The following SLC36A1 variants were observed in gnomAD, a reference collection of about 807,000 sequenced individuals.
The protein encoded by SLC36A1 is solute carrier family 36 member 1, also known as proton-coupled amino acid transporter 1.
Under a neutral mutation model 47.5 loss-of-function variants are expected in SLC36A1, and 30 were observed. The observed-to-expected ratio is 0.63, with a 90% CI of 0.47 to 0.86. The LOEUF (loss-of-function observed/expected upper bound fraction) is 0.86. SLC36A1 is among the 40% of genes least tolerant of loss of function. The pLI, the probability that SLC36A1 is intolerant of heterozygous loss-of-function variation, is 0.00. For synonymous variants in SLC36A1, 255 were observed against 249.7 expected, an observed-to-expected ratio of 1.02 and a Z score of -0.20; for missense variants, 517 against 606.0, an observed-to-expected ratio of 0.85 and a Z score of 1.54.
rs1755132589 is a variant in SLC36A1 at position 151,459,064 on chromosome 5, G to C, written c.143+129G>C. 3 of 1,005,050 alleles carry C rather than the reference G, an allele frequency of 3.0e-6. No individual in the cohort carries two copies. In the Middle Eastern group the frequency reaches 6.6e-4, roughly 221 times the overall value. 62.3% of individuals were successfully genotyped at this position (1,005,050 alleles called of 1,614,324 possible). Reference sequence around the variant, plus strand: ...TGAAGGTCAGCAGTGAAGAGATTGGGCGAGTGACTGCGCTGAGATTTGCCT... The same window carrying C: ...TGAAGGTCAGCAGTGAAGAGATTGGCCGAGTGACTGCGCTGAGATTTGCCT... On this transcript the variant is annotated intron_variant, in intron 2 of 10. Coordinates refer to ENST00000243389, the MANE Select transcript of SLC36A1 (RefSeq NM_078483.4).
chr5:151,481,164 G>T (rs1169536427), intron 10 of SLC36A1, among the ~76,000 whole-genome samples: 2 of 152,288 alleles, frequency 1.3e-5, no homozygotes, highest in African/African-American at 4.8e-5. Flanking sequence ...ACTTTTCCTG[G>T]CCCTGTCTGT....
chr5:151,484,971 G>T (rs1190620735), intron 10 of SLC36A1, among the ~76,000 whole-genome samples: 1 of 152,016 alleles, frequency 6.6e-6, no homozygotes, highest in Non-Finnish European at 1.5e-5. Context: ...CATTAGGCAG[G>T]GAGACCCAGA....
At chr5:151,546,167 C>T in the SLC36A1 span, 126 of 1,614,140 alleles carry the variant, frequency 7.8e-5, no homozygotes, top group East Asian at 1.6e-3. Context: ...GCACTCCTAT[C>T]TGAGGGATAG....
the SLC36A1 span, among the ~76,000 whole-genome samples, chr5:151,405,027 C>T: frequency 3.9e-5 from 6 of 152,130 alleles, no homozygotes; most frequent in Non-Finnish European, 4.4e-5. Flanking sequence ...TCAAGAATGC[C>T]GAGTTGTAGG....
intron 10 of SLC36A1, among the ~76,000 whole-genome samples, chr5:151,482,003 G>C (rs1270461143): frequency 6.6e-6 from 1 of 152,134 alleles, no homozygotes; most frequent in Non-Finnish European, 1.5e-5. Context: ...TGTGTCATTT[G>C]CCATGTGAAA....
At chr5:151,394,704 C>G in the SLC36A1 span, among the ~76,000 whole-genome samples, 1 of 152,234 alleles carries the variant, frequency 6.6e-6, no homozygotes, top group Non-Finnish European at 1.5e-5. Context: ...GCAGCGGAGG[C>G]TGCAGAACAG....
At position 151,488,675 on chromosome 5, in the gene SLC36A1, G is replaced by A. The variant is rs1001323086; in HGVS notation, c.*421G>A. The A allele has an allele frequency of 4.7e-5, 8 of 170,670 alleles. No individual in the cohort carries two copies. The highest frequency in any genetic ancestry group is 1.1e-4 in the Admixed American group (2 of 18,068). The allele number at this position is 170,670 out of a possible 1,614,324, so 10.6% of individuals were successfully genotyped here. On this transcript the variant is annotated 3_prime_UTR_variant, in exon 11 of 11. Transcript: ENST00000243389. ...AGGCATAGATTAAGTAACTGGGAACGCCCCCTCTTTATAAAGCTGGGCTTC... is the reference window on the plus strand; with the variant it reads ...AGGCATAGATTAAGTAACTGGGAACACCCCCTCTTTATAAAGCTGGGCTTC...
At chr5:151,421,031 C>G in the SLC36A1 span, among the ~76,000 whole-genome samples, 1 of 151,838 alleles carries the variant, frequency 6.6e-6, no homozygotes, top group Non-Finnish European at 1.5e-5. Context: ...CCACCACACT[C>G]AGCTAATTTT....
At chr5:151,379,634 C>T in the SLC36A1 span, among the ~76,000 whole-genome samples, 1 of 152,152 alleles carries the variant, frequency 6.6e-6, no homozygotes, top group Non-Finnish European at 1.5e-5. Flanking sequence ...GCCCGGCGCT[C>T]TTCACTTTAA....
At chr5:151,382,250 C>A in the SLC36A1 span, 2 of 1,333,716 alleles carry the variant, frequency 1.5e-6, no homozygotes, top group Non-Finnish European at 2.2e-6. Flanking sequence ...AGACTCACTA[C>A]CAGCCTGGGA....
chr5:151,470,954 A>C (rs1315553330), intron 7 of SLC36A1: 3 of 152,264 alleles, frequency 2.0e-5, no homozygotes, highest in Non-Finnish European at 4.4e-5. Flanking sequence ...ATGTTTTATC[A>C]CTGCATATCG....
intron 10 of SLC36A1, among the ~76,000 whole-genome samples, chr5:151,487,078 G>A (rs951306007): frequency 6.6e-6 from 1 of 152,210 alleles, no homozygotes; most frequent in Admixed American, 6.5e-5. Context: ...CAGCTAATTA[G>A]CAGCAGAGCC....
chr5:151,425,371 A>G, the SLC36A1 span: 1 of 152,288 alleles, frequency 6.6e-6, no homozygotes, highest in East Asian at 1.9e-4. Flanking sequence ...GTTGCCTTTT[A>G]CTATGTAGAT....
the SLC36A1 span, among the ~76,000 whole-genome samples, chr5:151,366,107 A>G: frequency 6.6e-6 from 1 of 152,190 alleles, no homozygotes; most frequent in African/African-American, 2.4e-5. Flanking sequence ...TCTTCCTGAC[A>G]TTCCTGACAA....
At chr5:151,484,876 C>T (rs1049519109) in intron 10 of SLC36A1, among the ~76,000 whole-genome samples, 2 of 152,162 alleles carry the variant, frequency 1.3e-5, no homozygotes. Context: ...ATACCACCCT[C>T]TCCCTGGGGC....
chr5:151,351,793 C>T, the SLC36A1 span, among the ~76,000 whole-genome samples: 24,268 of 152,096 alleles, frequency 0.16, 2,216 homozygotes, highest in East Asian at 0.38. Flanking sequence ...GGAAAACTAG[C>T]TTCCTAACTA....
At chr5:151,397,246 G>A in the SLC36A1 span, among the ~76,000 whole-genome samples, 64,504 of 152,068 alleles carry the variant, frequency 0.42, 14,057 homozygotes, top group African/African-American at 0.53. Flanking sequence ...TTAAGGTCCA[G>A]ACACTCTCTG....
At chr5:151,390,414 G>C in the SLC36A1 span, among the ~76,000 whole-genome samples, 2 of 152,294 alleles carry the variant, frequency 1.3e-5, 1 homozygote, top group Middle Eastern at 6.8e-3. Context: ...AGTTTAATCA[G>C]ATCCCATTTG....
At chr5:151,404,394 G>A in the SLC36A1 span, among the ~76,000 whole-genome samples, 1 of 152,178 alleles carries the variant, frequency 6.6e-6, no homozygotes, top group Middle Eastern at 3.4e-3. Context: ...TTTTAAATGA[G>A]GTGTTTAGAC....
Sources: gnomAD v4.1 joint callset for allele counts (sites outside exome capture counted in the v4.1 genomes callset) on GRCh38, gnomAD v4.1.1 for gene constraint, MANE v1.5 for transcripts, NCBI Gene and HGNC (gene_info 2026-07-23, HGNC 2026-07-21) for gene names.